The following KMT2A variants were observed in gnomAD, a reference collection of about 807,000 sequenced individuals.
KMT2A encodes lysine methyltransferase 2A.
Under a neutral mutation model 345.3 loss-of-function variants are expected in KMT2A, and 16 were observed. The observed-to-expected ratio is 0.05, with a 90% confidence interval of 0.03 to 0.07. KMT2A has a LOEUF of 0.07. KMT2A is among the 10% of genes least tolerant of loss of function. The pLI, the probability that KMT2A is intolerant of heterozygous loss-of-function variation, is 1.00. For missense variants in KMT2A, 3,272 were observed against 4,841.6 expected (o/e 0.68, Z 9.62); for synonymous variants, 1,599 against 1,778.6 (o/e 0.90, Z 2.54).
chr11:118,511,656 TC>T (rs1434146635), intron 30 of KMT2A, among the ~76,000 whole-genome samples: 1 of 152,198 alleles, frequency 6.6e-6, no homozygotes, highest in Non-Finnish European at 1.5e-5. Context: ...GACCCAGACT[TC>T]CATCAAGGGA....
chr11:118,440,278 CTTTG>C (rs1555139775), intron 1 of KMT2A, among the ~76,000 whole-genome samples: 9 of 152,160 alleles, frequency 5.9e-5, no homozygotes, highest in African/African-American at 2.2e-4. Flanking sequence ...TCCTAACTTC[CTTTG>C]TATGACAATT....
At position 118,505,067 on chromosome 11, in the gene KMT2A, C is replaced by T. The variant is rs782150443; in HGVS notation, c.9175C>T (p.Pro3059Ser). The change falls in exon 27 of 36, where the codon CCG (proline) becomes TCG (serine). Residue 3059 changes from proline (P) to serine (S), a missense_variant. Around this residue, in one of 27 missense-constraint regions of KMT2A, gnomAD observed 748 missense variants for 922.2 expected, o/e 0.81. Transcript: ENST00000534358. This position sits in a 1 kb window ranked among gnomAD's most constrained non-coding sequence, Gnocchi z 4.6. ...YVPNSTDSPG[P>S]SQISNAAVQT... ...GCCCAATTCTACTGATAGTCCTGGC[C>T]CGTCTCAGATTTCCAATGCAGCTGT... 1 of 1,614,106 alleles carries T rather than the reference C, an allele frequency of 6.2e-7. No homozygotes were observed. Among genetic ancestry groups the T allele is most frequent in the Non-Finnish European group, 8.5e-7 (1 of 1,180,024 alleles).
rs1555048868 is a variant in KMT2A at position 118,507,539 on chromosome 11, G to A, written c.10765G>A (p.Ala3589Thr). The change falls in exon 28 of 36, where the codon GCA becomes ACA. Residue 3589 changes from alanine (A) to threonine (T), a missense_variant. Ala to Thr is a moderately conservative substitution (Grantham distance 58). Coordinates refer to ENST00000534358, the MANE Select transcript of KMT2A (RefSeq NM_001197104.2). The stretch of plus-strand genomic sequence containing the variant: ...ATGCCTGTGTTCCAGGACTCCAGGA[G>A]CAGAGGCTGAGCAGCAGGATACAGC... The part of the protein sequence containing the change: ...SLTSGTGTPG[A>T]EAEQQDTASV... The A allele has an allele frequency of 6.2e-7, 1 of 1,614,112 alleles. No homozygotes were observed. The highest frequency in any genetic ancestry group is 1.1e-5 in the South Asian group (1 of 91,082).
rs1950927906 is a variant in KMT2A at position 118,520,193 on chromosome 11, GT to G, written c.11429+130del. On this transcript the variant is annotated intron_variant, in intron 33 of 35. Transcript: ENST00000534358. This position sits in a 1 kb window ranked among gnomAD's most constrained non-coding sequence, Gnocchi z 4.3. ...GATTTAAAAGGACTGAAAACCATTT[GT>G]GTTGAAGTAGCAGTAGGTGCCTGGT... 1 of 652,684 alleles carries G rather than the reference GT, an allele frequency of 1.5e-6. No homozygotes were observed. The highest frequency in any genetic ancestry group is 2.7e-6 in the Non-Finnish European group (1 of 374,716). The allele number at this position is 652,684 out of a possible 1,614,324, so 40.4% of individuals were successfully genotyped here. A position where few individuals can be genotyped will look rare whatever the true frequency, so the allele number is the denominator to read the frequency against.
intron 15 of KMT2A, 106 bp from the exon 16 acceptor site, chr11:118,492,951 T>G: frequency 3.5e-6 from 3 of 865,472 alleles, no homozygotes; most frequent in African/African-American, 1.7e-5. Flanking sequence ...TCCTTGGGTT[T>G]TACAATATTA....
Position 118,505,091 on chromosome 11 carries a change from G to T in KMT2A, c.9199G>T (p.Val3067Phe). 7 of 1,614,022 alleles carry T rather than the reference G, an allele frequency of 4.3e-6. No individual in the cohort carries two copies. The highest frequency in any genetic ancestry group is 5.9e-6 in the Non-Finnish European group (7 of 1,180,006). Residue 3067 changes from valine (V) to phenylalanine (F), a missense_variant, in exon 27 of 36, where the codon GTC (valine) becomes TTC (phenylalanine). Around this residue, in one of 27 missense-constraint regions of KMT2A, gnomAD observed 748 missense variants for 922.2 expected, o/e 0.81. Transcript: ENST00000534358. This position sits in a 1 kb window ranked among gnomAD's most constrained non-coding sequence, Gnocchi z 4.6. ...CCCGTCTCAGATTTCCAATGCAGCT[G>T]TCCAGACCACTCCACCCCACCTGAA... Reference protein sequence around the residue: ...PGPSQISNAAVQTTPPHLKPA... With the variant: ...PGPSQISNAAFQTTPPHLKPA...
intron 1 of KMT2A, chr11:118,458,131 TG>T: frequency 5.5e-6 from 2 of 364,186 alleles, no homozygotes; most frequent in Non-Finnish European, 1.1e-5. Flanking sequence ...TCACCCAGCC[TG>T]GAGTGCAGTG....
rs782507041 is a variant in KMT2A, at chr11:118,507,562, A to T, written c.10788A>T (p.Thr3596=). The T allele has an allele frequency of 6.2e-7, 1 of 1,614,238 alleles. No individual in the cohort carries two copies. The highest frequency in any genetic ancestry group is 1.1e-5 in the South Asian group (1 of 91,084). ...GAGCAGAGGCTGAGCAGCAGGATAC[A>T]GCTAGCGTGGAGCAGTCCTCCCAGA... ...TPGAEAEQQD[T]ASVEQSSQKE... The change falls in exon 28 of 36, where the codon ACA becomes ACT. Residue 3596 remains threonine, a synonymous_variant. Transcript: ENST00000534358.
rs1950351693 is a variant in KMT2A, at chr11:118,493,122, A to G, written c.5070A>G (p.Glu1690=). 6.2e-7 allele frequency: 1 copy of G among 1,613,956 alleles called. No individual in the cohort carries two copies. The highest frequency in any genetic ancestry group is 8.5e-7 in the Non-Finnish European group (1 of 1,179,972). ...EESIPSRSSP[E]GPDPPVLTEV... is the part of the protein sequence containing the mutation. ...GTATACCTTCCCGCAGCTCCCCCGA[A>G]GGACCTGATCCACCAGTTCTTACTG... The change falls in exon 16 of 36, where the codon GAA becomes GAG. Residue 1690 remains glutamate (E), a synonymous_variant. Coordinates refer to ENST00000534358, the MANE Select transcript of KMT2A (RefSeq NM_001197104.2). The surrounding 1 kb of genome is among the most constrained non-coding windows in gnomAD (Gnocchi z 5.8).
At chr11:118,519,495 T>A (rs186141399) in intron 31 of KMT2A, 123 bp from the exon 32 acceptor site, 3 of 745,174 alleles carry the variant, frequency 4.0e-6, no homozygotes, top group Non-Finnish European at 6.8e-6. Flanking sequence ...CGAGCTAATA[T>A]GTACTATAAT....
chr11:118,492,172 G>A (rs567109180), intron 15 of KMT2A, among the ~76,000 whole-genome samples: 2 of 152,170 alleles, frequency 1.3e-5, no homozygotes, highest in South Asian at 2.1e-4. Flanking sequence ...GAAGGTGATA[G>A]GGAGCCAGTG....
Position 118,473,189 on chromosome 11 carries a change from G to A in KMT2A, c.2030G>A (p.Arg677Gln), listed in dbSNP as rs781995666. The change falls in exon 3 of 36, where the codon CGA becomes CAA. Residue 677 changes from arginine to glutamine, a missense_variant. This residue lies in a region of KMT2A where 114 missense variants were observed against 203.2 expected (regional missense o/e 0.56). Coordinates refer to ENST00000534358, the MANE Select transcript of KMT2A (RefSeq NM_001197104.2). The surrounding 1 kb of genome is among the most constrained non-coding windows in gnomAD (Gnocchi z 5.2). Reference sequence around the variant, plus strand: ...GCATCTGGTACCGCTGCTTCAGCCCGATTGTTTTCGCCACTCCATTCTGGA... The same window carrying A: ...GCATCTGGTACCGCTGCTTCAGCCCAATTGTTTTCGCCACTCCATTCTGGA... Reference protein sequence around the residue: ...FSASGTAASARLFSPLHSGTR... With the variant: ...FSASGTAASAQLFSPLHSGTR... 7 of 1,613,690 alleles carry A rather than the reference G, an allele frequency of 4.3e-6. No individual in the cohort carries two copies. In the Admixed American group the frequency reaches 6.7e-5, roughly 15 times the overall value.
intron 1 of KMT2A, among the ~76,000 whole-genome samples, chr11:118,454,489 A>G (rs548064252): frequency 6.6e-6 from 1 of 152,336 alleles, no homozygotes; most frequent in South Asian, 2.1e-4. Context: ...AGGTTTGGCA[A>G]GTTTTTTTCT....
Position 118,524,979 on chromosome 11 carries a change from T to G in KMT2A, c.*2807T>G. The G allele has an allele frequency of 4.7e-6, 1 of 210,990 alleles. No individual in the cohort carries two copies. The highest frequency in any genetic ancestry group is 9.6e-6 in the Non-Finnish European group (1 of 103,700). The allele number at this position is 210,990 out of a possible 1,614,324, so 13.1% of individuals were successfully genotyped here. A position where few individuals can be genotyped will look rare whatever the true frequency, so the allele number is the denominator to read the frequency against. On this transcript the variant is annotated 3_prime_UTR_variant, in exon 36 of 36. Transcript: ENST00000534358. ...TTGCCTTGCCTTTCCACCCCCTAAT[T>G]GTCAACCACAAAAATGAGAAATTCC...
At position 118,495,629 on chromosome 11, in the gene KMT2A, G is replaced by T; in HGVS notation, c.5364-71G>T. The T allele has an allele frequency of 8.1e-7, 1 of 1,230,358 alleles. No individual in the cohort carries two copies. The highest frequency in any genetic ancestry group is 2.5e-5 in the East Asian group (1 of 40,456). 76.2% of individuals were successfully genotyped at this position (1,230,358 alleles called of 1,614,324 possible). ...TACATGGGGCAACAGGTGATATCAA[G>T]AATTTATTTTATACAGTTCTAGGTA... On this transcript the variant is annotated intron_variant, in intron 18 of 35. Transcript: ENST00000534358. This position sits in a 1 kb window ranked among gnomAD's most constrained non-coding sequence, Gnocchi z 4.1.
At chr11:118,515,636 A>T (rs1950794835) in intron 31 of KMT2A, among the ~76,000 whole-genome samples, 1 of 150,370 alleles carries the variant, frequency 6.7e-6, no homozygotes, top group Non-Finnish European at 1.5e-5. Flanking sequence ...ACAAATGGAC[A>T]TCTCACAGAC....
chr11:118,440,204 T>G (rs929622902), intron 1 of KMT2A, among the ~76,000 whole-genome samples: 1 of 152,246 alleles, frequency 6.6e-6, no homozygotes, highest in Non-Finnish European at 1.5e-5. Context: ...TAACAGAACT[T>G]CCAGATGACT....
At chr11:118,489,131 G>A (rs1007649260) in intron 11 of KMT2A, among the ~76,000 whole-genome samples, 1 of 143,592 alleles carries the variant, frequency 7.0e-6, no homozygotes, top group Non-Finnish European at 1.5e-5. Flanking sequence ...GCTGAGGGAG[G>A]AAAATCGCTT....
intron 1 of KMT2A, among the ~76,000 whole-genome samples, chr11:118,463,739 C>T (rs1351323432): frequency 6.6e-6 from 1 of 152,106 alleles, no homozygotes; most frequent in African/African-American, 2.4e-5. Flanking sequence ...ACAATAAGAA[C>T]TACTATGTGA....
Sources: gnomAD v4.1 joint callset for allele counts (sites outside exome capture counted in the v4.1 genomes callset) on GRCh38, gnomAD v4.1.1 for gene constraint, gnomAD v4.1.1 regional missense constraint, Gnocchi (gnomAD v3.1) non-coding constraint, MANE v1.5 for transcripts, NCBI Gene and HGNC (gene_info 2026-07-23, HGNC 2026-07-21) for gene names.